QKI: variants seen among roughly 807,000 people sequenced by gnomAD.
The protein encoded by QKI is KH domain-containing RNA-binding protein QKI.
A neutral mutation model predicts 39.0 loss-of-function variants in QKI; 10 were observed. The observed-to-expected ratio is 0.26, with a 90% CI of 0.16 to 0.43. QKI has a LOEUF of 0.43. Among genes scored for constraint, QKI ranks in the 20% least tolerant of loss-of-function variants. The probability of loss-of-function intolerance (pLI) is 1.00; values close to 1 mark genes in which losing one functional copy is unlikely to be tolerated. For synonymous variants in QKI, 204 were observed against 155.4 expected (o/e 1.31, Z -2.33); for missense variants, 218 against 428.0 (o/e 0.51, Z 4.33).
rs1266295277 is a variant in QKI, at chr6:163,573,690, T to G, written c.*2980T>G. The G allele has an allele frequency of 6.6e-6, 1 of 152,244 alleles. No homozygotes were observed. 9.4% of individuals were successfully genotyped at this position (152,244 alleles called of 1,614,324 possible). On this transcript the variant is annotated 3_prime_UTR_variant, in exon 8 of 8. Transcript: ENST00000361752. The stretch of plus-strand genomic sequence containing the variant: ...TAATGAATGAATACATTAGACACTT[T>G]TGGGTTTTAGTTGGGATTTTACATA...
rs150679414 is a variant in QKI, at chr6:163,566,115, A to G, written c.935-606A>G. 29 of 1,449,110 alleles carry G rather than the reference A, an allele frequency of 2.0e-5. No homozygotes were observed. The East Asian group carries it at 6.8e-4, about 34-fold the overall frequency. 89.8% of individuals were successfully genotyped at this position (1,449,110 alleles called of 1,614,324 possible). On this transcript the variant is annotated intron_variant, in intron 6 of 7. Transcript: ENST00000361752. The stretch of plus-strand genomic sequence containing the variant: ...TTGCACATAGATATAAAGTAAAATT[A>G]TGTTATTAATTTGGTTTAGTCTGTA...
At chr6:163,570,448 T>G (rs1435829563) in intron 7 of QKI, 1 of 953,406 alleles carries the variant, frequency 1.0e-6, no homozygotes, top group Non-Finnish European at 1.2e-6. Context: ...TAACCAGTTT[T>G]TTTTTTTTTT....
chr6:163,511,663 A>G (rs1158639198), intron 3 of QKI, among the ~76,000 whole-genome samples: 4 of 152,040 alleles, frequency 2.6e-5, no homozygotes, highest in African/African-American at 9.6e-5. Context: ...AAATTTTAGT[A>G]TCCCTATATT....
chr6:163,543,003 T>C (rs1781638913), intron 4 of QKI, among the ~76,000 whole-genome samples: 1 of 151,998 alleles, frequency 6.6e-6, no homozygotes, highest in South Asian at 2.1e-4. Flanking sequence ...TTTTTAAAAG[T>C]TTGCATTTTG....
chr6:163,500,338 G>T (rs1778683616), intron 3 of QKI, among the ~76,000 whole-genome samples: 1 of 152,124 alleles, frequency 6.6e-6, no homozygotes, highest in South Asian at 2.1e-4. Flanking sequence ...TCATTAGTTG[G>T]CTGTTGCAGT....
At chr6:163,502,701 T>G (rs1440346265) in intron 3 of QKI, among the ~76,000 whole-genome samples, 1 of 152,198 alleles carries the variant, frequency 6.6e-6, no homozygotes, top group Non-Finnish European at 1.5e-5. Flanking sequence ...AACTGTTTAT[T>G]TGGTGGTATT....
chr6:163,523,366 A>G (rs1780277927), intron 3 of QKI, among the ~76,000 whole-genome samples: 1 of 152,186 alleles, frequency 6.6e-6, no homozygotes, highest in Non-Finnish European at 1.5e-5. Context: ...TGTAATCAGT[A>G]TATTTTATGT....
chr6:163,565,213 G>A (rs960240550), intron 6 of QKI: 23 of 988,488 alleles, frequency 2.3e-5, no homozygotes, highest in African/African-American at 5.2e-5. Flanking sequence ...CTGTAACCTT[G>A]TTGTTTAAGT....
At chr6:163,538,569 G>A (rs1189774868) in intron 4 of QKI, among the ~76,000 whole-genome samples, 1 of 152,126 alleles carries the variant, frequency 6.6e-6, no homozygotes, top group Non-Finnish European at 1.5e-5. Flanking sequence ...AAGGAGATTG[G>A]GTTTTAGTCC....
intron 1 of QKI, among the ~76,000 whole-genome samples, chr6:163,449,474 A>G (rs888196886): frequency 1.3e-5 from 2 of 152,220 alleles, no homozygotes; most frequent in African/African-American, 4.8e-5. Context: ...ATATATGTCT[A>G]TAACATCAGC....
chr6:163,475,374 A>G (rs557230524), intron 2 of QKI, among the ~76,000 whole-genome samples: 126 of 152,324 alleles, frequency 8.3e-4, no homozygotes, highest in Admixed American at 2.6e-3. Context: ...AATGCAGCAT[A>G]ACAGTGATTT....
intron 1 of QKI, among the ~76,000 whole-genome samples, chr6:163,437,584 T>C (rs1794676966): frequency 3.9e-5 from 6 of 152,220 alleles, no homozygotes. Flanking sequence ...TGAGTGGTTG[T>C]GAATGGATTT....
chr6:163,466,451 G>GAGAA (rs140782), intron 2 of QKI, among the ~76,000 whole-genome samples: 125,324 of 151,722 alleles, frequency 0.83, 52,146 homozygotes, highest in East Asian at 1. Context: ...AAACAGTCTT[G>GAGAA]AGAACAAAGC....
intron 4 of QKI, among the ~76,000 whole-genome samples, chr6:163,550,885 T>G (rs1200505575): frequency 6.7e-6 from 1 of 150,144 alleles, no homozygotes; most frequent in Non-Finnish European, 1.5e-5. Context: ...AGGCGGAGCT[T>G]GCAGTGAGCC....
intron 3 of QKI, among the ~76,000 whole-genome samples, chr6:163,498,188 T>TAAAAAA (rs10650302): frequency 0.041 from 5,119 of 125,452 alleles, 179 homozygotes; most frequent in African/African-American, 0.067. Context: ...GCAGCTGTGG[T>TAAAAAA]AAAAAAAAAA....
At chr6:163,558,163 AAAAACTGGTCTG>A (rs1245266872) in intron 4 of QKI, among the ~76,000 whole-genome samples, 12 of 152,206 alleles carry the variant, frequency 7.9e-5, no homozygotes, top group Admixed American at 7.9e-4. Flanking sequence ...AAGAGGTCAG[AAAAACTGGTCTG>A]AAGACTGGCT....
chr6:163,516,268 A>G (rs900142361), intron 3 of QKI, among the ~76,000 whole-genome samples: 17 of 152,060 alleles, frequency 1.1e-4, no homozygotes, highest in Admixed American at 3.9e-4. Context: ...CTTTTTTGGG[A>G]AAAATGTAGA....
intron 1 of QKI, among the ~76,000 whole-genome samples, chr6:163,442,754 T>C (rs1789852469): frequency 6.6e-6 from 1 of 152,018 alleles, no homozygotes; most frequent in Non-Finnish European, 1.5e-5. Context: ...ATCAGATAGG[T>C]TGAGAAGGGA....
chr6:163,468,267 CATT>C lies in QKI; in HGVS notation c.286-10510_286-10508del, dbSNP rs1791926498. Among the ~76,000 whole-genome samples the C allele has an allele frequency of 2.6e-5, 4 of 152,124 alleles. No homozygotes were observed. In the South Asian group the frequency reaches 8.3e-4, roughly 32 times the overall value. On this transcript the variant is annotated intron_variant, in intron 2 of 7. Transcript: ENST00000361752. Reference sequence around the variant, plus strand: ...AATAACTAGACACAATATTTAAAAACATTATCAATCTGTTGTGCAAAAAGCAAT... The same window carrying C: ...AATAACTAGACACAATATTTAAAAACATCAATCTGTTGTGCAAAAAGCAAT...
Sources: allele counts gnomAD v4.1 joint callset (sites outside exome capture counted in the v4.1 genomes callset), GRCh38; gene constraint gnomAD v4.1.1; transcripts MANE v1.5; gene names NCBI Gene and HGNC (gene_info 2026-07-23, HGNC 2026-07-21).